The following LRRC19 variants were observed in gnomAD, a reference collection of about 807,000 sequenced individuals.
The protein encoded by LRRC19 is leucine rich repeat containing 19.
A neutral mutation model predicts 33.3 loss-of-function variants in LRRC19; 33 were observed. The observed-to-expected ratio is 0.99, with a 90% CI of 0.75 to 1.33. The LOEUF is 1.33. LRRC19 is among the 40% of genes most tolerant of loss of function. The pLI is 0.00. For missense variants in LRRC19, 463 were observed against 417.3 expected, an observed-to-expected ratio of 1.11 and a Z score of -0.95; for synonymous variants, 184 against 152.3, an observed-to-expected ratio of 1.21 and a Z score of -1.53.
intron 1 of LRRC19, 22 bp from the exon 2 acceptor site, chr9:26,999,725 T>TCATTAAG: frequency 6.7e-7 from 1 of 1,489,050 alleles, no homozygotes; most frequent in African/African-American, 1.4e-5. Context: ...GAGAGTATTT[T>TCATTAAG]CATTAAGGAC....
Position 26,995,063 on chromosome 9 carries a change from T to TA in LRRC19, c.*457dup, listed in dbSNP as rs752854349. On this transcript the variant is annotated 3_prime_UTR_variant, in exon 5 of 5. Transcript: ENST00000380055. ...ACTCTATGATTTTATTCTGGGAGCA[T>TA]AAAATCAATCTTAGTGTATTATTTA... 6.6e-6 allele frequency: 1 copy of TA among 152,390 alleles called. No homozygotes were observed. The highest frequency in any genetic ancestry group is 1.5e-5 in the Non-Finnish European group (1 of 68,150). 9.4% of individuals were successfully genotyped at this position (152,390 alleles called of 1,614,324 possible). A position where few individuals can be genotyped will look rare whatever the true frequency, so the allele number is the denominator to read the frequency against.
Position 26,997,766 on chromosome 9 carries a change from T to G in LRRC19, c.557A>C (p.Asn186Thr). The G allele has an allele frequency of 6.2e-7, 1 of 1,611,208 alleles. No homozygotes were observed. The highest frequency in any genetic ancestry group is 8.5e-7 in the Non-Finnish European group (1 of 1,179,338). Reference sequence around the variant, plus strand: ...TGATGTGTTCAACCAGTTCTGCAAATTAAATAGACTGCAAGAGCAGTTCCA... The same window carrying G: ...TGATGTGTTCAACCAGTTCTGCAAAGTAAATAGACTGCAAGAGCAGTTCCA... Reference protein sequence around the residue: ...NLWNCSCSLFNLQNWLNTSNV... With the variant: ...NLWNCSCSLFTLQNWLNTSNV... Residue 186 changes from asparagine (N) to threonine (T), a missense_variant, in exon 3 of 5, where the codon AAT becomes ACT. Asn to Thr is a moderately conservative substitution (Grantham distance 65). Transcript: ENST00000380055.
chr9:26,999,142 C>T (rs1424594817), intron 2 of LRRC19, among the ~76,000 whole-genome samples: 2 of 152,048 alleles, frequency 1.3e-5, no homozygotes, highest in African/African-American at 2.4e-5. Flanking sequence ...TTTAAAGAGC[C>T]ACACAATCTG....
intron 1 of LRRC19, 132 bp from the exon 2 acceptor site, chr9:26,999,835 G>A: frequency 1.9e-6 from 1 of 538,386 alleles, no homozygotes; most frequent in South Asian, 2.9e-5. Context: ...CTGGTGGCAT[G>A]GTCACAGCTC....
At chr9:27,002,451 C>G (rs938625863) in intron 1 of LRRC19, among the ~76,000 whole-genome samples, 1 of 152,198 alleles carries the variant, frequency 6.6e-6, no homozygotes, top group Non-Finnish European at 1.5e-5. Flanking sequence ...GTCTTTAATC[C>G]ATTTTTATTC....
chr9:26,994,550 A>G lies in LRRC19; in HGVS notation c.*971T>C, dbSNP rs1024634506. 3 of 152,214 alleles carry G rather than the reference A, an allele frequency of 2.0e-5. No individual in the cohort carries two copies. Among genetic ancestry groups the G allele is most frequent in the African/African-American group, 7.2e-5 (3 of 41,380 alleles). The allele number at this position is 152,214 out of a possible 1,614,324, so 9.4% of individuals were successfully genotyped here. ...AGACTTTGTCTCAAAAAAAAAAAAA[A>G]AAAAAAGAAAAAGAATCTTGTTTCA... On this transcript the variant is annotated 3_prime_UTR_variant, in exon 5 of 5. Transcript: ENST00000380055.
intron 1 of LRRC19, among the ~76,000 whole-genome samples, chr9:27,004,054 A>G (rs898352165): frequency 6.6e-6 from 1 of 152,122 alleles, no homozygotes; most frequent in African/African-American, 2.4e-5. Flanking sequence ...TAGGATGGGG[A>G]TAGTGAAAGA....
rs1289107652 is a variant in LRRC19, at chr9:26,994,914, C to G, written c.*607G>C. On this transcript the variant is annotated 3_prime_UTR_variant, in exon 5 of 5. Coordinates refer to ENST00000380055, the MANE Select transcript of LRRC19 (RefSeq NM_022901.3). ...TTATGGTGACAGCCTTTCTTTATAA[C>G]CAGAATCAATAGTGACTTATTAGGG... is the stretch of plus-strand genomic sequence containing the variant. The G allele has an allele frequency of 1.3e-5, 2 of 152,332 alleles. No individual in the cohort carries two copies. Among genetic ancestry groups the G allele is most frequent in the African/African-American group, 2.4e-5 (1 of 41,424 alleles). The allele number at this position is 152,332 out of a possible 1,614,324, so 9.4% of individuals were successfully genotyped here. A position where few individuals can be genotyped will look rare whatever the true frequency, so the allele number is the denominator to read the frequency against.
rs763067454 is a variant in LRRC19, at chr9:26,999,700, A to G, written c.-6T>C. 1.0e-5 allele frequency: 16 copies of G among 1,591,014 alleles called. No homozygotes were observed. The African/African-American group carries it at 2.2e-4, about 22-fold the overall frequency. ...GTGATGCCTGTGACTTTCATGTTGCAGACCTGATAGAAAAGAGAGTATTTT... is the reference window on the plus strand; with the variant it reads ...GTGATGCCTGTGACTTTCATGTTGCGGACCTGATAGAAAAGAGAGTATTTT... On this transcript the variant is annotated 5_prime_UTR_variant, in exon 2 of 5. Transcript: ENST00000380055.
Position 26,999,171 on chromosome 9 carries a change from T to C in LRRC19, c.81+443A>G, listed in dbSNP as rs555673385. ...CAATCTGAAATTCTTTATGTGGATA[T>C]AGATGGAAAGAAAGAAATAGTTCTT... is the stretch of plus-strand genomic sequence containing the variant. On this transcript the variant is annotated intron_variant, in intron 2 of 4. Coordinates refer to ENST00000380055, the MANE Select transcript of LRRC19 (RefSeq NM_022901.3). 3.3e-5 allele frequency among the ~76,000 whole-genome samples: 5 copies of C among 152,300 alleles called. No individual in the cohort carries two copies. In the South Asian group the frequency reaches 8.3e-4, roughly 25 times the overall value.
At position 27,003,159 on chromosome 9, in the gene LRRC19, T is replaced by C. The variant is rs1275746985; in HGVS notation, c.-10+2433A>G. On this transcript the variant is annotated intron_variant, in intron 1 of 4. Coordinates refer to ENST00000380055, the MANE Select transcript of LRRC19 (RefSeq NM_022901.3). ...TTTTATATCTTGCAACTTTACTGAA[T>C]TCAGTTGTCAGTTTTTACAGATTTT... Among the ~76,000 whole-genome samples, 4 of 152,346 alleles carry C rather than the reference T, an allele frequency of 2.6e-5. No homozygotes were observed. The South Asian group carries it at 6.2e-4, about 24-fold the overall frequency.
At chr9:26,995,945 TTAAAAA>T in intron 4 of LRRC19, 96 bp from the exon 5 acceptor site, 1 of 853,680 alleles carries the variant, frequency 1.2e-6, no homozygotes, top group Non-Finnish European at 1.7e-6. Flanking sequence ...AATATTGGTA[TTAAAAA>T]TAAACATACA....
chr9:27,004,679 C>G (rs1361839048), intron 1 of LRRC19, among the ~76,000 whole-genome samples: 2 of 152,208 alleles, frequency 1.3e-5, no homozygotes, highest in South Asian at 4.1e-4. Flanking sequence ...TTTCTTTCTC[C>G]TTTTGGAATA....
chr9:26,995,634 T>A lies in LRRC19; in HGVS notation c.1000A>T (p.Asn334Tyr), dbSNP rs1394838074. Residue 334 changes from asparagine (N) to tyrosine (Y), a missense_variant, in exon 5 of 5, where the codon AAC (asparagine) becomes TAC (tyrosine). By Grantham distance (143) the Asn-to-Tyr change is moderately radical. Coordinates refer to ENST00000380055, the MANE Select transcript of LRRC19 (RefSeq NM_022901.3). ...AATATTACTGTAGTTTCTTCAGAGT[T>A]TGTTTCTGGTATCTGTGAAAGAGAG... ...PSSLSQIPET[N>Y]SEETTVIFEQ... is the part of the protein sequence containing the mutation. The A allele has an allele frequency of 6.2e-7, 1 of 1,613,650 alleles. No individual in the cohort carries two copies. Among genetic ancestry groups the A allele is most frequent in the Admixed American group, 1.7e-5 (1 of 60,010 alleles).
Position 26,997,730 on chromosome 9 carries a change from A to C in LRRC19, c.593T>G (p.Leu198Ter). 2 of 1,589,526 alleles carry C rather than the reference A, an allele frequency of 1.3e-6. No individual in the cohort carries two copies. The highest frequency in any genetic ancestry group is 2.3e-5 in the South Asian group (2 of 85,930). Residue 198 changes from leucine (L) to a stop codon, truncating the protein, a stop_gained and splice_region_variant, in exon 3 of 5, where the codon TTA becomes TGA. Coordinates refer to ENST00000380055, the MANE Select transcript of LRRC19 (RefSeq NM_022901.3). LOFTEE classifies it high-confidence loss of function. ...QNWLNTSNVTLENENITMCSY... is the reference protein window; with the variant it reads ...QNWLNTSNVT The stretch of plus-strand genomic sequence containing the variant: ...TTTGCTTAATTATGATAGCTTACCT[A>C]ATGTCACATTTGATGTGTTCAACCA...
At position 26,999,662 on chromosome 9, in the gene LRRC19, C is replaced by T; in HGVS notation, c.33G>A (p.Trp11Ter). 3 of 1,609,500 alleles carry T rather than the reference C, an allele frequency of 1.9e-6. No individual in the cohort carries two copies. Among genetic ancestry groups the T allele is most frequent in the Non-Finnish European group, 2.5e-6 (3 of 1,178,134 alleles). ...CTGATAATAATATCATGGAGAGGGG[C>T]CAAAAGAGGATTGTGATGCCTGTGA... Reference protein sequence around the residue: MKVTGITILFWPLSMILLSDK... With the variant: MKVTGITILF Residue 11 changes from tryptophan to a stop codon, truncating the protein, a stop_gained, in exon 2 of 5, where the codon TGG (tryptophan) becomes TGA (stop). Coordinates refer to ENST00000380055, the MANE Select transcript of LRRC19 (RefSeq NM_022901.3). LOFTEE classifies it high-confidence loss of function.
At position 26,994,550 on chromosome 9, in the gene LRRC19, A is replaced by AG. The variant is rs1828045323; in HGVS notation, c.*970_*971insC. On this transcript the variant is annotated 3_prime_UTR_variant, in exon 5 of 5. Transcript: ENST00000380055. ...AGACTTTGTCTCAAAAAAAAAAAAA[A>AG]AAAAAAGAAAAAGAATCTTGTTTCA... The AG allele has an allele frequency of 6.6e-6, 1 of 152,214 alleles. No homozygotes were observed. Among genetic ancestry groups the AG allele is most frequent in the Admixed American group, 6.6e-5 (1 of 15,238 alleles). The allele number at this position is 152,214 out of a possible 1,614,324, so 9.4% of individuals were successfully genotyped here. A position where few individuals can be genotyped will look rare whatever the true frequency, so the allele number is the denominator to read the frequency against.
chr9:26,998,262 A>G, intron 2 of LRRC19, 21 bp from the exon 3 acceptor site: 1 of 1,345,468 alleles, frequency 7.4e-7, no homozygotes, highest in Non-Finnish European at 1.0e-6. Flanking sequence ...AAAAAAAAGA[A>G]AGGCATTAAT....
In LRRC19 at chr9:26,994,917, G is replaced by C. The variant is rs1033878871; in HGVS notation, c.*604C>G. 3 of 152,354 alleles carry C rather than the reference G, an allele frequency of 2.0e-5. No homozygotes were observed. The highest frequency in any genetic ancestry group is 6.5e-5 in the Admixed American group (1 of 15,282). 9.4% of individuals were successfully genotyped at this position (152,354 alleles called of 1,614,324 possible). On this transcript the variant is annotated 3_prime_UTR_variant, in exon 5 of 5. Transcript: ENST00000380055. ...TGGTGACAGCCTTTCTTTATAACCA[G>C]AATCAATAGTGACTTATTAGGGATT...
Sources: gnomAD v4.1 joint callset for allele counts (sites outside exome capture counted in the v4.1 genomes callset) on GRCh38, gnomAD v4.1.1 for gene constraint, MANE v1.5 for transcripts, NCBI Gene and HGNC (gene_info 2026-07-23, HGNC 2026-07-21) for gene names.